PDIA5: variants seen among roughly 807,000 people sequenced by gnomAD.
The protein encoded by PDIA5 is protein disulfide-isomerase A5.
Under a neutral mutation model 77.6 loss-of-function variants are expected in PDIA5, and 58 were observed. The observed-to-expected ratio is 0.75, with a 90% CI of 0.61 to 0.93. The LOEUF (loss-of-function observed/expected upper bound fraction) is 0.93. Ranked by LOEUF, PDIA5 falls within the 40% of genes least tolerant of loss-of-function variation. The pLI, the probability that PDIA5 is intolerant of heterozygous loss-of-function variation, is 0.00. For missense variants in PDIA5, 630 were observed against 647.7 expected, an observed-to-expected ratio of 0.97 and a Z score of 0.30; for synonymous variants, 250 against 252.1, an observed-to-expected ratio of 0.99 and a Z score of 0.08.
chr3:123,100,605 G>T (rs558231298), intron 3 of PDIA5, among the ~76,000 whole-genome samples: 33 of 152,362 alleles, frequency 2.2e-4, no homozygotes, highest in African/African-American at 7.7e-4. Flanking sequence ...GCTGGGACTA[G>T]TAGGGAGGAA....
At chr3:123,115,648 C>T (rs1175646186) in intron 7 of PDIA5, among the ~76,000 whole-genome samples, 1 of 152,236 alleles carries the variant, frequency 6.6e-6, no homozygotes, top group South Asian at 2.1e-4. Flanking sequence ...CATCCCGATT[C>T]CTGGCCTGAC....
Position 123,146,156 on chromosome 3 carries a change from T to C in PDIA5, c.1039T>C (p.Phe347Leu). ...TGTCAACAAGGCCCTGGCAGAAAGA[T>C]TCCACATCTCAGAGTTTCCTACGTT... ...ATVNKALAER[F>L]HISEFPTLKY... Residue 347 changes from phenylalanine to leucine, a missense_variant, in exon 13 of 17, where the codon TTC (phenylalanine) becomes CTC (leucine). Coordinates refer to ENST00000316218, the MANE Select transcript of PDIA5 (RefSeq NM_006810.4). 1 of 1,614,134 alleles carries C rather than the reference T, an allele frequency of 6.2e-7. No individual in the cohort carries two copies. Among genetic ancestry groups the C allele is most frequent in the Non-Finnish European group, 8.5e-7 (1 of 1,179,966 alleles).
intron 8 of PDIA5, among the ~76,000 whole-genome samples, chr3:123,120,930 C>T (rs368971261): frequency 1.6e-4 from 24 of 152,310 alleles, no homozygotes; most frequent in Middle Eastern, 3.4e-3. Flanking sequence ...TGACTTGTCT[C>T]CTGACCACAG....
chr3:123,136,120 A>G (rs1935497556), intron 11 of PDIA5, among the ~76,000 whole-genome samples: 1 of 151,842 alleles, frequency 6.6e-6, no homozygotes, highest in Non-Finnish European at 1.5e-5. Context: ...CTTTTTGTAG[A>G]AATGGAGTCT....
chr3:123,135,573 C>T (rs1576458494), intron 11 of PDIA5, among the ~76,000 whole-genome samples: 1 of 152,106 alleles, frequency 6.6e-6, no homozygotes, highest in East Asian at 1.9e-4. Context: ...GCAGCAGGTC[C>T]CCATCAGACT....
At chr3:123,120,116 C>T (rs945860526) in intron 8 of PDIA5, among the ~76,000 whole-genome samples, 1 of 152,212 alleles carries the variant, frequency 6.6e-6, no homozygotes, top group African/African-American at 2.4e-5. Context: ...TGCCTCTTCC[C>T]AGCCTTGCCA....
chr3:123,073,259 A>T (rs1326503791), intron 1 of PDIA5, among the ~76,000 whole-genome samples: 1 of 152,102 alleles, frequency 6.6e-6, no homozygotes, highest in Non-Finnish European at 1.5e-5. Context: ...CTGGACAGGG[A>T]GGTGGGAAGC....
intron 14 of PDIA5, 69 bp from the exon 15 acceptor site, chr3:123,154,902 G>T: frequency 9.8e-7 from 1 of 1,021,474 alleles, no homozygotes; most frequent in Non-Finnish European, 1.6e-6. Context: ...TTTCAGGAAG[G>T]GTCCCTGGCC....
At chr3:123,142,169 C>T (rs1364492084) in intron 11 of PDIA5, among the ~76,000 whole-genome samples, 1 of 152,232 alleles carries the variant, frequency 6.6e-6, no homozygotes, top group Non-Finnish European at 1.5e-5. Flanking sequence ...AGGTGGGGGT[C>T]GCTGCCTAGA....
intron 1 of PDIA5, among the ~76,000 whole-genome samples, chr3:123,083,275 T>C (rs537858585): frequency 6.6e-6 from 1 of 152,232 alleles, no homozygotes; most frequent in Non-Finnish European, 1.5e-5. Context: ...ATTGGTGCTC[T>C]GACAGCGATG....
intron 15 of PDIA5, among the ~76,000 whole-genome samples, chr3:123,156,090 A>G (rs1936016186): frequency 6.6e-6 from 1 of 152,186 alleles, no homozygotes; most frequent in Non-Finnish European, 1.5e-5. Flanking sequence ...TAAAGGTACC[A>G]TCCAGACCTT....
intron 1 of PDIA5, among the ~76,000 whole-genome samples, chr3:123,070,459 T>C (rs939361559): frequency 1.3e-5 from 2 of 152,236 alleles, no homozygotes; most frequent in African/African-American, 4.8e-5. Flanking sequence ...AAAGATTTTT[T>C]AAAATGTTGC....
intron 7 of PDIA5, among the ~76,000 whole-genome samples, chr3:123,113,558 G>A (rs1429081881): frequency 6.6e-6 from 1 of 152,158 alleles, no homozygotes; most frequent in East Asian, 1.9e-4. Context: ...GCACTCCTAG[G>A]TCCCAAGGAA....
At chr3:123,089,140 TCA>T (rs1934217604) in intron 1 of PDIA5, 26 bp from the exon 2 acceptor site, 8 of 1,605,418 alleles carry the variant, frequency 5.0e-6, no homozygotes, top group Non-Finnish European at 6.0e-6. Context: ...AAGCTGGAAC[TCA>T]CAGTCGTTGG....
At chr3:123,155,197 T>C (rs1935993748) in intron 15 of PDIA5, among the ~76,000 whole-genome samples, 156 bp downstream of exon 15, 1 of 152,186 alleles carries the variant, frequency 6.6e-6, no homozygotes, top group African/African-American at 2.4e-5. Context: ...AGAAGGAAGA[T>C]AGGGCAGGCT....
At chr3:123,074,066 A>G (rs1933789862) in intron 1 of PDIA5, among the ~76,000 whole-genome samples, 1 of 152,244 alleles carries the variant, frequency 6.6e-6, no homozygotes, top group South Asian at 2.1e-4. Flanking sequence ...GCAGAGTATT[A>G]GTACATGCCC....
intron 7 of PDIA5, among the ~76,000 whole-genome samples, chr3:123,115,642 C>T (rs558389809): frequency 2.3e-4 from 35 of 152,220 alleles, no homozygotes; most frequent in Non-Finnish European, 4.7e-4. Context: ...GCATGGCATC[C>T]CGATTCCTGG....
intron 10 of PDIA5, among the ~76,000 whole-genome samples, chr3:123,129,205 A>T (rs1935314416): frequency 6.6e-6 from 1 of 152,252 alleles, no homozygotes; most frequent in Non-Finnish European, 1.5e-5. Context: ...CCTAGATTGC[A>T]TGATGTTTGT....
At chr3:123,104,034 T>A (rs1934670182) in intron 5 of PDIA5, among the ~76,000 whole-genome samples, 1 of 152,120 alleles carries the variant, frequency 6.6e-6, no homozygotes, top group African/African-American at 2.4e-5. Context: ...CTCATAATTG[T>A]GGTAGCAGAG....
Sources: gnomAD v4.1 joint callset for allele counts (sites outside exome capture counted in the v4.1 genomes callset) on GRCh38, gnomAD v4.1.1 for gene constraint, MANE v1.5 for transcripts, NCBI Gene and HGNC (gene_info 2026-07-23, HGNC 2026-07-21) for gene names.